The following KLF8 variants were observed in gnomAD, a reference collection of about 807,000 sequenced individuals.
The protein encoded by KLF8 is KLF transcription factor 8, also known as Krueppel-like factor 8.
A neutral mutation model predicts 18.2 loss-of-function variants in KLF8; 10 were observed. The ratio of observed to expected loss-of-function variants is 0.55; its 90% CI spans 0.34 to 0.93. The LOEUF (loss-of-function observed/expected upper bound fraction) is 0.93, where lower values mean the gene tolerates loss of function less well. Among genes scored for constraint, KLF8 ranks in the 40% least tolerant of loss-of-function variants. The pLI is 0.02. For synonymous variants in KLF8, 109 were observed against 97.3 expected, an observed-to-expected ratio of 1.12 and a Z score of -0.71; for missense variants, 264 against 277.9, an observed-to-expected ratio of 0.95 and a Z score of 0.36.
chrX:56,039,409 A>T, the KLF8 span, among the ~76,000 whole-genome samples: 1 of 111,444 alleles, frequency 9.0e-6, no homozygotes, highest in Non-Finnish European at 1.9e-5. Context: ...AAGAGGCCTA[A>T]TTTCAGTTTT....
the KLF8 span, among the ~76,000 whole-genome samples, chrX:56,178,167 A>G: frequency 8.9e-6 from 1 of 112,283 alleles, no homozygotes; most frequent in Non-Finnish European, 1.9e-5. Context: ...TTGGAAATGC[A>G]GAAATCACTC....
the KLF8 span, among the ~76,000 whole-genome samples, chrX:56,028,774 G>T: frequency 2.7e-5 from 3 of 111,280 alleles, no homozygotes; most frequent in Non-Finnish European, 3.8e-5. Flanking sequence ...GTTCTCAGGA[G>T]CTAGTCTAAT....
chrX:56,209,012 T>C, the KLF8 span, among the ~76,000 whole-genome samples: 1 of 111,832 alleles, frequency 8.9e-6, no homozygotes, highest in South Asian at 3.7e-4. Context: ...TGCTGTTTCC[T>C]TGTTGATTTT....
chrX:56,193,983 C>T, the KLF8 span, among the ~76,000 whole-genome samples: 11 of 111,691 alleles, frequency 9.8e-5, no homozygotes, highest in Admixed American at 9.5e-4. Context: ...GGATTGTTTG[C>T]AACACAAAGG....
At chrX:56,112,863 T>C in the KLF8 span, among the ~76,000 whole-genome samples, 1 of 111,965 alleles carries the variant, frequency 8.9e-6, no homozygotes, top group Non-Finnish European at 1.9e-5. Flanking sequence ...TTCCTGGTTT[T>C]CTGTAGCTTT....
chrX:55,994,959 A>T, the KLF8 span, among the ~76,000 whole-genome samples: 1 of 111,642 alleles, frequency 9.0e-6, no homozygotes, highest in African/African-American at 3.3e-5. Context: ...TTATTTCCTG[A>T]ATATCTTTGT....
chrX:56,161,114 G>C, the KLF8 span, among the ~76,000 whole-genome samples: 1 of 111,324 alleles, frequency 9.0e-6, no homozygotes, highest in African/African-American at 3.3e-5. Context: ...ACATTTGCTC[G>C]TCTGTAAAGT....
At chrX:56,137,861 A>C in the KLF8 span, among the ~76,000 whole-genome samples, 1 of 109,716 alleles carries the variant, frequency 9.1e-6, no homozygotes, top group Non-Finnish European at 1.9e-5. Flanking sequence ...CTGGGTTTTA[A>C]AATGAGTGAA....
At chrX:56,094,595 G>A in the KLF8 span, among the ~76,000 whole-genome samples, 11 of 110,605 alleles carry the variant, frequency 9.9e-5, no homozygotes, top group East Asian at 2.6e-3. Flanking sequence ...ACTAAAAGAC[G>A]CCATCAAAAA....
At chrX:56,070,666 G>GGGGC in the KLF8 span, among the ~76,000 whole-genome samples, 1 of 110,757 alleles carries the variant, frequency 9.0e-6, no homozygotes, top group Non-Finnish European at 1.9e-5. Context: ...CTGTTGAGTG[G>GGGGC]GGGCAAGGGG....
chrX:56,215,386 A>C, the KLF8 span, among the ~76,000 whole-genome samples: 1 of 111,582 alleles, frequency 9.0e-6, no homozygotes, highest in Admixed American at 9.5e-5. Flanking sequence ...ATTCTAAAAT[A>C]CTTTTGGAAG....
the KLF8 span, among the ~76,000 whole-genome samples, chrX:56,080,928 C>T: frequency 9.0e-6 from 1 of 110,984 alleles, no homozygotes; most frequent in Non-Finnish European, 1.9e-5. Flanking sequence ...CCCTTTCTTC[C>T]AGTTGATTGC....
the KLF8 span, among the ~76,000 whole-genome samples, chrX:56,186,487 T>C: frequency 9.1e-6 from 1 of 110,470 alleles, no homozygotes; most frequent in Admixed American, 9.7e-5. Context: ...AGTTAACAAG[T>C]ATACCCAGGA....
the KLF8 span, among the ~76,000 whole-genome samples, chrX:56,043,880 C>T: frequency 3.6e-5 from 4 of 112,571 alleles, no homozygotes; most frequent in African/African-American, 6.4e-5. Context: ...AGAGAAGAGG[C>T]ACTCTGGTTT....
At chrX:56,101,852 C>A in the KLF8 span, among the ~76,000 whole-genome samples, 6 of 111,380 alleles carry the variant, frequency 5.4e-5, no homozygotes, top group Non-Finnish European at 1.1e-4. Flanking sequence ...GATATTGGAC[C>A]TTTGTCAGAT....
chrX:56,020,255 G>GA, the KLF8 span, among the ~76,000 whole-genome samples: 2 of 110,217 alleles, frequency 1.8e-5, no homozygotes, highest in Admixed American at 9.6e-5. Flanking sequence ...GAGCTCTGGG[G>GA]AAAAAAAAGG....
At chrX:56,205,480 A>G in the KLF8 span, among the ~76,000 whole-genome samples, 2 of 111,999 alleles carry the variant, frequency 1.8e-5, no homozygotes, top group Non-Finnish European at 3.8e-5. Flanking sequence ...TGATTTGCAC[A>G]CAATTCACCA....
At chrX:55,991,712 G>A in the KLF8 span, among the ~76,000 whole-genome samples, 15 of 112,304 alleles carry the variant, frequency 1.3e-4, no homozygotes, top group South Asian at 3.7e-4. Context: ...ACTTATTTAC[G>A]TTAACACCAG....
At chrX:56,211,162 C>T in the KLF8 span, among the ~76,000 whole-genome samples, 3 of 111,707 alleles carry the variant, frequency 2.7e-5, no homozygotes, top group African/African-American at 6.5e-5. Flanking sequence ...ACTTATTTGT[C>T]GCCGTCCTAT....
Sources: allele counts gnomAD v4.1 joint callset (sites outside exome capture counted in the v4.1 genomes callset), GRCh38; gene constraint gnomAD v4.1.1; transcripts MANE v1.5; gene names NCBI Gene and HGNC (gene_info 2026-07-23, HGNC 2026-07-21).